Variants in PEAK1 observed in about 807,000 individuals in gnomAD.
The protein encoded by PEAK1 is pseudopodium enriched atypical kinase 1, also known as inactive tyrosine-protein kinase PEAK1.
PEAK1 carries 54 observed loss-of-function variants against 124.7 expected under a neutral mutation model. The observed-to-expected ratio is 0.43, with a 90% CI of 0.35 to 0.54. PEAK1 has a LOEUF of 0.54. PEAK1 is among the 20% of genes least tolerant of loss of function. The pLI is 0.01. For synonymous variants in PEAK1, 719 were observed against 760.0 expected (o/e 0.95, Z 0.89); for missense variants, 2,046 against 2,134.5 (o/e 0.96, Z 0.82).
intron 2 of PEAK1, among the ~76,000 whole-genome samples, chr15:77,360,328 A>C (rs568746746): frequency 6.6e-6 from 1 of 152,196 alleles, no homozygotes; most frequent in African/African-American, 2.4e-5. Flanking sequence ...TGAATTAGAC[A>C]ATTGTTTCTT....
At chr15:77,325,114 C>T (rs532398996) in intron 2 of PEAK1, among the ~76,000 whole-genome samples, 41 of 152,268 alleles carry the variant, frequency 2.7e-4, no homozygotes, top group African/African-American at 9.6e-4. Flanking sequence ...AGCTAGAATA[C>T]ATTCTCTCAA....
At chr15:77,130,290 G>A (rs1467086026) in intron 9 of PEAK1, among the ~76,000 whole-genome samples, 1 of 152,108 alleles carries the variant, frequency 6.6e-6, no homozygotes, top group African/African-American at 2.4e-5. Context: ...AGATAGATAA[G>A]GCACCATAAC....
intron 6 of PEAK1, among the ~76,000 whole-genome samples, chr15:77,203,299 T>G (rs1387440976): frequency 6.6e-6 from 1 of 152,136 alleles, no homozygotes; most frequent in Non-Finnish European, 1.5e-5. Flanking sequence ...CCGTTCAAAC[T>G]GGTATTGTTC....
chr15:77,364,690 G>C (rs1214875824), intron 2 of PEAK1, among the ~76,000 whole-genome samples: 1 of 152,170 alleles, frequency 6.6e-6, no homozygotes, highest in Non-Finnish European at 1.5e-5. Flanking sequence ...TCTATAGAAG[G>C]CAACTATTAA....
chr15:77,182,617 T>C (rs139222610), intron 6 of PEAK1, among the ~76,000 whole-genome samples: 16 of 151,790 alleles, frequency 1.1e-4, no homozygotes, highest in African/African-American at 3.6e-4. Context: ...CTGGGTGTGG[T>C]AGCACACACC....
At chr15:77,208,364 T>A (rs758457994) in intron 6 of PEAK1, among the ~76,000 whole-genome samples, 1 of 152,164 alleles carries the variant, frequency 6.6e-6, no homozygotes, top group Non-Finnish European at 1.5e-5. Flanking sequence ...GTTTCTATAA[T>A]CTTTGGTAAC....
Position 77,183,220 on chromosome 15 carries a change from C to T in PEAK1, c.-114-1180G>A, listed in dbSNP as rs188001257. Among the ~76,000 whole-genome samples, 35 of 152,254 alleles carry T rather than the reference C, an allele frequency of 2.3e-4. No homozygotes were observed. The East Asian group carries it at 6.0e-3, about 26-fold the overall frequency. ...ACCCACAAATAAAGCTCCATTGGAACGCCAGTCACACTCATTTGTTTACAT... is the reference window on the plus strand; with the variant it reads ...ACCCACAAATAAAGCTCCATTGGAATGCCAGTCACACTCATTTGTTTACAT... On this transcript the variant is annotated intron_variant, in intron 6 of 9. Transcript: ENST00000682557.
intron 5 of PEAK1, among the ~76,000 whole-genome samples, chr15:77,267,754 C>T (rs914915708): frequency 1.3e-5 from 2 of 151,848 alleles, no homozygotes; most frequent in East Asian, 1.9e-4. Context: ...ATAGTATACC[C>T]GAATAAGAAG....
rs769508408 is a variant in PEAK1 at position 77,180,839 on chromosome 15, T to A, written c.1088A>T (p.Lys363Met). ...AGGAGATAATCCCCCATTACAAATC[T>A]TCTGGGATAAACTACTGGCTGTCTC... ...RSETASSLSQ[K>M]ICNGGLSPGN... The change falls in exon 7 of 10, where the codon AAG (lysine) becomes ATG (methionine). Residue 363 changes from lysine to methionine, a missense_variant. By Grantham distance (95) the Lys-to-Met change is moderately conservative. Transcript: ENST00000682557. 2.5e-6 allele frequency: 4 copies of A among 1,613,762 alleles called. No homozygotes were observed. The East Asian group carries it at 8.9e-5, about 36-fold the overall frequency.
intron 2 of PEAK1, among the ~76,000 whole-genome samples, chr15:77,292,459 G>A (rs1323602183): frequency 6.6e-6 from 1 of 151,984 alleles, no homozygotes; most frequent in Non-Finnish European, 1.5e-5. Context: ...GGACAACACT[G>A]GGGGCCATTT....
chr15:77,164,272 T>C (rs2055910311), intron 7 of PEAK1, among the ~76,000 whole-genome samples: 1 of 152,230 alleles, frequency 6.6e-6, no homozygotes, highest in South Asian at 2.1e-4. Context: ...CTGTAGTCTT[T>C]AACTGAAAAT....
chr15:77,277,194 C>T (rs1198714354), intron 5 of PEAK1, among the ~76,000 whole-genome samples: 2 of 152,040 alleles, frequency 1.3e-5, no homozygotes, highest in African/African-American at 2.4e-5. Context: ...ATCTCAAGGG[C>T]ATTATGCTGA....
chr15:77,176,023 T>A (rs1266671239), intron 7 of PEAK1, among the ~76,000 whole-genome samples: 1 of 151,758 alleles, frequency 6.6e-6, no homozygotes, highest in African/African-American at 2.4e-5. Flanking sequence ...AAACACTGCA[T>A]GTTCTACTCA....
rs1186443276 is a variant in PEAK1, at chr15:77,278,592, A to C, written c.-275+5291T>G. 7.9e-6 allele frequency: 4 copies of C among 505,088 alleles called. No individual in the cohort carries two copies. In the Admixed American group the frequency reaches 8.3e-5, roughly 10 times the overall value. 31.3% of individuals were successfully genotyped at this position (505,088 alleles called of 1,614,324 possible). On this transcript the variant is annotated intron_variant, in intron 5 of 9. Coordinates refer to ENST00000682557, the MANE Select transcript of PEAK1 (RefSeq NM_001385026.1). ...CCAAAGCCAGAGACCAAGCCTAAAA[A>C]GGTCCCTGCAAAGAACGGAGAGAAG... is the stretch of plus-strand genomic sequence containing the variant.
chr15:77,133,060 G>T lies in PEAK1; in HGVS notation c.4022C>A (p.Ala1341Glu). The change falls in exon 9 of 10, where the codon GCG becomes GAG. Residue 1341 changes from alanine to glutamate, a missense_variant. Transcript: ENST00000682557. This position sits in a 1 kb window ranked among gnomAD's most constrained non-coding sequence, Gnocchi z 4.2. Reference protein sequence around the residue: ...SDKPCCEAGDAVYYTASYAKD... With the variant: ...SDKPCCEAGDEVYYTASYAKD... The stretch of plus-strand genomic sequence containing the variant: ...TGCATATGAAGCAGTATAGTAAACC[G>T]CATCACCTGCCTCACAACATGGTTT... The T allele has an allele frequency of 6.2e-7, 1 of 1,614,076 alleles. No individual in the cohort carries two copies. The highest frequency in any genetic ancestry group is 8.5e-7 in the Non-Finnish European group (1 of 1,179,970).
At chr15:77,346,086 C>G (rs1011742612) in intron 2 of PEAK1, 1 of 985,296 alleles carries the variant, frequency 1.0e-6, no homozygotes, top group African/African-American at 1.7e-5. Context: ...GGCACAACGA[C>G]TATGCCATAA....
chr15:77,295,062 G>A (rs142696886), intron 2 of PEAK1, among the ~76,000 whole-genome samples: 1 of 152,180 alleles, frequency 6.6e-6, no homozygotes, highest in Admixed American at 6.5e-5. Context: ...AAATTAAATC[G>A]AGTAATAAAT....
rs2058299648 is a variant in PEAK1 at position 77,200,234 on chromosome 15, TTTC to T, written c.-114-18197_-114-18195del. The stretch of plus-strand genomic sequence containing the variant: ...GTAAATATATTCTCTTCCTTATGAT[TTTC>T]TTAATAGCATTTTTTCTCCAGCTTA... On this transcript the variant is annotated intron_variant, in intron 6 of 9. Transcript: ENST00000682557. Among the ~76,000 whole-genome samples, 3 of 152,206 alleles carry T rather than the reference TTTC, an allele frequency of 2.0e-5. No homozygotes were observed. In the South Asian group the frequency reaches 6.2e-4, roughly 32 times the overall value.
intron 1 of PEAK1, among the ~76,000 whole-genome samples, chr15:77,366,271 C>A (rs2068230763): frequency 6.6e-6 from 1 of 152,126 alleles, no homozygotes; most frequent in Non-Finnish European, 1.5e-5. Context: ...ACACAACTTA[C>A]AGACCTCCCA....
Sources: allele counts gnomAD v4.1 joint callset (sites outside exome capture counted in the v4.1 genomes callset), GRCh38; gene constraint gnomAD v4.1.1; non-coding constraint Gnocchi (gnomAD v3.1); transcripts MANE v1.5; gene names NCBI Gene and HGNC (gene_info 2026-07-23, HGNC 2026-07-21).